The following PLPPR2 variants were observed in gnomAD, a reference collection of about 807,000 sequenced individuals.
PLPPR2 encodes the protein phospholipid phosphatase-related protein type 2.
A neutral mutation model predicts 40.3 loss-of-function variants in PLPPR2; 11 were observed. The observed-to-expected ratio is 0.27, with a 90% CI of 0.17 to 0.45. The LOEUF is 0.45. Among genes scored for constraint, PLPPR2 ranks in the 20% least tolerant of loss-of-function variants. The probability of loss-of-function intolerance (pLI) is 1.00; values close to 1 mark genes in which losing one functional copy is unlikely to be tolerated. For missense variants in PLPPR2, 497 were observed against 640.7 expected (o/e 0.78, Z 2.42); for synonymous variants, 260 against 290.8 (o/e 0.89, Z 1.08).
rs767701310 is a variant in PLPPR2, at chr19:11,363,803, G to A, written c.931G>A (p.Asp311Asn). 1.2e-6 allele frequency: 2 copies of A among 1,614,156 alleles called. No homozygotes were observed. Among genetic ancestry groups the A allele is most frequent in the South Asian group, 1.1e-5 (1 of 91,084 alleles). ...GGACCTGGGCCAAGCCCCCACCATG[G>A]ATAGCCCCCTCGAAAAGTTAAGTGT... ...WEDLGQAPTM[D>N]SPLEKLSVAQ... Residue 311 changes from aspartate (D) to asparagine (N), a missense_variant, in exon 8 of 10, where the codon GAT becomes AAT. Asp to Asn is a conservative substitution (Grantham distance 23). Coordinates refer to ENST00000688289, the MANE Select transcript of PLPPR2 (RefSeq NM_001393892.1). The surrounding 1 kb of genome is among the most constrained non-coding windows in gnomAD (Gnocchi z 4.8).
Position 11,364,327 on chromosome 19 carries a change from A to G in PLPPR2, c.1016-20A>G. 6.6e-7 allele frequency: 1 copy of G among 1,519,342 alleles called. No homozygotes were observed. The highest frequency in any genetic ancestry group is 1.4e-5 in the African/African-American group (1 of 71,930). The allele number at this position is 1,519,342 out of a possible 1,614,324, so 94.1% of individuals were successfully genotyped here. On this transcript the variant is annotated intron_variant, in intron 9 of 9. Coordinates refer to ENST00000688289, the MANE Select transcript of PLPPR2 (RefSeq NM_001393892.1). The surrounding 1 kb of genome is among the most constrained non-coding windows in gnomAD (Gnocchi z 5.8). ...CTCCCGAGTTTTCTGATCCCCTGAT[A>G]TCTGGCTTCTGACCACCAGAGTCGC...
At chr19:11,360,426 C>T (rs139832105) in intron 5 of PLPPR2, among the ~76,000 whole-genome samples, 1 of 152,136 alleles carries the variant, frequency 6.6e-6, no homozygotes, top group East Asian at 1.9e-4. Flanking sequence ...AACAAGATCC[C>T]ACCTCTTTAA....
At chr19:11,357,614 C>A in intron 2 of PLPPR2, 46 bp from the exon 3 acceptor site, 2 of 1,481,134 alleles carry the variant, frequency 1.4e-6, no homozygotes, top group South Asian at 1.2e-5. Context: ...TGAGCCTTCC[C>A]CTAGGCACAC....
Position 11,363,860 on chromosome 19 carries a change from C to T in PLPPR2, c.963+25C>T, listed in dbSNP as rs752277282. On this transcript the variant is annotated intron_variant, in intron 8 of 9. Coordinates refer to ENST00000688289, the MANE Select transcript of PLPPR2 (RefSeq NM_001393892.1). The surrounding 1 kb of genome is among the most constrained non-coding windows in gnomAD (Gnocchi z 4.8). Reference sequence around the variant, plus strand: ...GGTAAGGGGGGCCGGGGGCTGCTCCCGGCTGGAGAGGGTGGTGGGTGGAGG... The same window carrying T: ...GGTAAGGGGGGCCGGGGGCTGCTCCTGGCTGGAGAGGGTGGTGGGTGGAGG... 3.2e-5 allele frequency: 52 copies of T among 1,606,466 alleles called. No individual in the cohort carries two copies. In the South Asian group the frequency reaches 3.5e-4, roughly 11 times the overall value.
At position 11,361,352 on chromosome 19, in the gene PLPPR2, C is replaced by T. The variant is rs148270518; in HGVS notation, c.527C>T (p.Pro176Leu). Residue 176 changes from proline to leucine, a missense_variant, in exon 6 of 10, where the codon CCG becomes CTG. Pro to Leu is a moderately conservative substitution (Grantham distance 98, BLOSUM62 -3). Transcript: ENST00000688289. This position sits in a 1 kb window ranked among gnomAD's most constrained non-coding sequence, Gnocchi z 6.3. ...YTALGCLPPS[P>L]DRPGPDRFVT... is the part of the protein sequence containing the mutation. ...GCCCTGGGCTGCCTGCCACCTTCTC[C>T]GGATCGGCCAGGTCCCGACCGCTTT... 96 of 1,613,178 alleles carry T rather than the reference C, an allele frequency of 6.0e-5. No individual in the cohort carries two copies. The African/African-American group carries it at 6.3e-4, about 11-fold the overall frequency.
In PLPPR2 at chr19:11,361,213, CT is replaced by C. The variant is rs1968032214; in HGVS notation, c.392-3del. The C allele has an allele frequency of 6.2e-7, 1 of 1,604,216 alleles. No individual in the cohort carries two copies. The highest frequency in any genetic ancestry group is 1.3e-5 in the African/African-American group (1 of 74,860). On this transcript the variant is annotated splice_region_variant and splice_polypyrimidine_tract_variant and intron_variant, in intron 5 of 9. Coordinates refer to ENST00000688289, the MANE Select transcript of PLPPR2 (RefSeq NM_001393892.1). The surrounding 1 kb of genome is among the most constrained non-coding windows in gnomAD (Gnocchi z 6.3). ...ATGAACCCCTTCCACTATCCCACCCCTAGGGGTCTACTCCTTCGGCCTCTTC... is the reference window on the plus strand; with the variant it reads ...ATGAACCCCTTCCACTATCCCACCCCAGGGGTCTACTCCTTCGGCCTCTTC...
rs961409199 is a variant in PLPPR2, at chr19:11,357,559, G to T, written c.-14-101G>T. ...CCTCCCCGGGTCTTCAGGGCCAGGG[G>T]TGTGGCCAAAGGACTCAGGGGATGA... On this transcript the variant is annotated intron_variant, in intron 2 of 9. Transcript: ENST00000688289. 1.7e-5 allele frequency: 13 copies of T among 762,292 alleles called. No homozygotes were observed. The East Asian group carries it at 3.3e-4, about 19-fold the overall frequency. 47.2% of individuals were successfully genotyped at this position (762,292 alleles called of 1,614,324 possible). A position where few individuals can be genotyped will look rare whatever the true frequency, so the allele number is the denominator to read the frequency against.
In PLPPR2 at chr19:11,359,884, G is replaced by C. The variant is rs369447069; in HGVS notation, c.319G>C (p.Gly107Arg). The C allele has an allele frequency of 6.2e-7, 1 of 1,613,724 alleles. No homozygotes were observed. Among genetic ancestry groups the C allele is most frequent in the Non-Finnish European group, 8.5e-7 (1 of 1,179,868 alleles). The change falls in exon 5 of 10, where the codon GGG becomes CGG. Residue 107 changes from glycine (G) to arginine (R), a missense_variant. Transcript: ENST00000688289. This position sits in a 1 kb window ranked among gnomAD's most constrained non-coding sequence, Gnocchi z 5.6. The stretch of plus-strand genomic sequence containing the variant: ...ACCACCTTCAGCCGTCCCAGTCATC[G>C]GGGAGAGCACCATCGTGTCTGGGGC... ...PAPPSAVPVI[G>R]ESTIVSGACC...
intron 5 of PLPPR2, among the ~76,000 whole-genome samples, chr19:11,360,779 G>A (rs567634043): frequency 6.6e-6 from 1 of 152,160 alleles, no homozygotes; most frequent in South Asian, 2.1e-4. Flanking sequence ...GCAGAGGGCG[G>A]GAGACCCAGC....
In PLPPR2 at chr19:11,359,894, C is replaced by T. The variant is rs745608925; in HGVS notation, c.329C>T (p.Thr110Ile). 14 of 1,613,608 alleles carry T rather than the reference C, an allele frequency of 8.7e-6. No homozygotes were observed. Among genetic ancestry groups the T allele is most frequent in the Non-Finnish European group, 1.2e-5 (14 of 1,179,798 alleles). ...GCCGTCCCAGTCATCGGGGAGAGCA[C>T]CATCGTGTCTGGGGCCTGCTGCCGC... is the stretch of plus-strand genomic sequence containing the variant. ...PSAVPVIGES[T>I]IVSGACCRFS... Residue 110 changes from threonine to isoleucine, a missense_variant, in exon 5 of 10, where the codon ACC (threonine) becomes ATC (isoleucine). By Grantham distance (89) the Thr-to-Ile change is moderately conservative. Coordinates refer to ENST00000688289, the MANE Select transcript of PLPPR2 (RefSeq NM_001393892.1). The surrounding 1 kb of genome is among the most constrained non-coding windows in gnomAD (Gnocchi z 5.6).
rs1370483110 is a variant in PLPPR2, at chr19:11,362,662, G to C, written c.813G>C (p.Leu271=). The change falls in exon 7 of 10, where the codon CTG becomes CTC. Residue 271 remains leucine (L), a synonymous_variant. Coordinates refer to ENST00000688289, the MANE Select transcript of PLPPR2 (RefSeq NM_001393892.1). This position sits in a 1 kb window ranked among gnomAD's most constrained non-coding sequence, Gnocchi z 5.3. The part of the protein sequence containing the change: ...NHWSDVLAGF[L]TGAAIATFLV... Reference sequence around the variant, plus strand: ...GGTCGGACGTGCTGGCTGGCTTCCTGACAGGGGCGGCCATCGCCACCTTTT... The same window carrying C: ...GGTCGGACGTGCTGGCTGGCTTCCTCACAGGGGCGGCCATCGCCACCTTTT... The C allele has an allele frequency of 1.2e-6, 2 of 1,613,310 alleles. No homozygotes were observed. Among genetic ancestry groups the C allele is most frequent in the South Asian group, 2.2e-5 (2 of 91,040 alleles).
chr19:11,355,907 C>G (rs1967854544), intron 1 of PLPPR2, among the ~76,000 whole-genome samples: 1 of 150,966 alleles, frequency 6.6e-6, no homozygotes, highest in Non-Finnish European at 1.5e-5. Context: ...GTGTCACTGT[C>G]ATTGTGCGGC....
In PLPPR2 at chr19:11,362,808, A is replaced by C; in HGVS notation, c.840+119A>C. 9.2e-7 allele frequency: 1 copy of C among 1,089,754 alleles called. No homozygotes were observed. Among genetic ancestry groups the C allele is most frequent in the South Asian group, 1.6e-5 (1 of 62,188 alleles). 67.5% of individuals were successfully genotyped at this position (1,089,754 alleles called of 1,614,324 possible). A position where few individuals can be genotyped will look rare whatever the true frequency, so the allele number is the denominator to read the frequency against. On this transcript the variant is annotated intron_variant, in intron 7 of 9. Transcript: ENST00000688289. The surrounding 1 kb of genome is among the most constrained non-coding windows in gnomAD (Gnocchi z 5.3). ...CTGTGTGACCTTGGGCCAATCCCTTAACATTACCCTTCCTGGATATTCTCA... is the reference window on the plus strand; with the variant it reads ...CTGTGTGACCTTGGGCCAATCCCTTCACATTACCCTTCCTGGATATTCTCA...
rs922448917 is a variant in PLPPR2 at position 11,364,559 on chromosome 19, C to A, written c.1228C>A (p.Arg410Ser). The change falls in exon 10 of 10, where the codon CGT becomes AGT. Residue 410 changes from arginine to serine, a missense_variant. By Grantham distance (110) the Arg-to-Ser change is moderately radical. Transcript: ENST00000688289. This position sits in a 1 kb window ranked among gnomAD's most constrained non-coding sequence, Gnocchi z 5.8. ...GPGGPGGGGGRGRKLLLPTPL... is the reference protein window; with the variant it reads ...GPGGPGGGGGSGRKLLLPTPL... ...TGGGGGGCCAGGCGGGGGTGGTGGACGTGGCCGGAAGCTGCTGCTGCCCAC... is the reference window on the plus strand; with the variant it reads ...TGGGGGGCCAGGCGGGGGTGGTGGAAGTGGCCGGAAGCTGCTGCTGCCCAC... The A allele has an allele frequency of 3.3e-6, 5 of 1,536,794 alleles. No homozygotes were observed. In the East Asian group the frequency reaches 9.8e-5, roughly 30 times the overall value.
rs890312186 is a variant in PLPPR2, at chr19:11,361,274, T to C, written c.449T>C (p.Val150Ala). 36 of 1,613,404 alleles carry C rather than the reference T, an allele frequency of 2.2e-5. No homozygotes were observed. The highest frequency in any genetic ancestry group is 2.8e-5 in the Non-Finnish European group (33 of 1,179,950). Residue 150 changes from valine to alanine, a missense_variant, in exon 6 of 10, where the codon GTG (valine) becomes GCG (alanine). Val to Ala is a moderately conservative substitution (Grantham distance 64, BLOSUM62 0). Coordinates refer to ENST00000688289, the MANE Select transcript of PLPPR2 (RefSeq NM_001393892.1). The surrounding 1 kb of genome is among the most constrained non-coding windows in gnomAD (Gnocchi z 6.3). ...TTIFANAGQV[V>A]TGNPTPHFLS... The stretch of plus-strand genomic sequence containing the variant: ...ATCTTCGCCAACGCGGGGCAGGTGG[T>C]GACCGGCAATCCCACGCCACACTTC...
rs1967833753 is a variant in PLPPR2, at chr19:11,355,484, CCAGCCTGGCTGG to C, written c.-274_-263del. 6.6e-6 allele frequency: 1 copy of C among 152,316 alleles called. No homozygotes were observed. Among genetic ancestry groups the C allele is most frequent in the Admixed American group, 6.5e-5 (1 of 15,284 alleles). The allele number at this position is 152,316 out of a possible 1,614,324, so 9.4% of individuals were successfully genotyped here. On this transcript the variant is annotated 5_prime_UTR_variant, in exon 1 of 10. Coordinates refer to ENST00000688289, the MANE Select transcript of PLPPR2 (RefSeq NM_001393892.1). The stretch of plus-strand genomic sequence containing the variant: ...GACCGCGTCTCGGTCTTCGCGTCTG[CCAGCCTGGCTGG>C]CAGTCCGTCTGTCCATCCCGCCGCG...
rs1355063133 is a variant in PLPPR2, at chr19:11,364,014, C to T, written c.964-147C>T. On this transcript the variant is annotated intron_variant, in intron 8 of 9. Transcript: ENST00000688289. The surrounding 1 kb of genome is among the most constrained non-coding windows in gnomAD (Gnocchi z 5.8). ...AGCCCCAAAGAATGAAAGGGAGCAC[C>T]CCCGTCTTCTTCCCAGGGGGACACG... The T allele has an allele frequency of 4.5e-6, 6 of 1,342,558 alleles. No homozygotes were observed. The highest frequency in any genetic ancestry group is 6.1e-6 in the Non-Finnish European group (6 of 980,728). 83.2% of individuals were successfully genotyped at this position (1,342,558 alleles called of 1,614,324 possible).
Position 11,365,022 on chromosome 19 carries a change from C to T in PLPPR2, c.*332C>T, listed in dbSNP as rs1376716830. ...TTGGCTCCAACCAATGGGAGCCTTC[C>T]CCTCACTTCTTAGAATCCTCCTGCA... On this transcript the variant is annotated 3_prime_UTR_variant, in exon 10 of 10. Coordinates refer to ENST00000688289, the MANE Select transcript of PLPPR2 (RefSeq NM_001393892.1). The T allele has an allele frequency of 1.4e-5, 5 of 366,534 alleles. No individual in the cohort carries two copies. Among genetic ancestry groups the T allele is most frequent in the Admixed American group, 8.9e-5 (2 of 22,508 alleles). The allele number at this position is 366,534 out of a possible 1,614,324, so 22.7% of individuals were successfully genotyped here.
intron 2 of PLPPR2, among the ~76,000 whole-genome samples, 192 bp from the exon 3 acceptor site, chr19:11,357,468 A>G (rs1967919091): frequency 6.6e-6 from 1 of 151,968 alleles, no homozygotes; most frequent in Admixed American, 6.6e-5. Flanking sequence ...CAGTAGGGTC[A>G]GGACCAACAG....
Sources: allele counts gnomAD v4.1 joint callset (sites outside exome capture counted in the v4.1 genomes callset), GRCh38; gene constraint gnomAD v4.1.1; non-coding constraint Gnocchi (gnomAD v3.1); transcripts MANE v1.5; gene names NCBI Gene and HGNC (gene_info 2026-07-23, HGNC 2026-07-21).